Variants in EYS observed in about 807,000 individuals in gnomAD.
EYS encodes protein eyes shut homolog.
A neutral mutation model predicts 282.1 loss-of-function variants in EYS; 250 were observed. That is an observed-to-expected ratio of 0.89 (90% CI 0.80 to 0.98). The LOEUF (loss-of-function observed/expected upper bound fraction) is 0.98, where lower values mean the gene tolerates loss of function less well. EYS is among the 50% of genes least tolerant of loss of function. The pLI is 0.00. For missense variants in EYS, 4,016 were observed against 3,709.0 expected (o/e 1.08, Z -2.15); for synonymous variants, 1,355 against 1,282.9 (o/e 1.06, Z -1.20).
intron 29 of EYS, among the ~76,000 whole-genome samples, chr6:64,310,432 A>G (rs572803309): frequency 3.9e-5 from 6 of 152,336 alleles, no homozygotes; most frequent in Admixed American, 3.3e-4. Flanking sequence ...TATTGCAGGG[A>G]CATGGATGGA....
At chr6:64,498,151 C>A (rs944855971) in intron 26 of EYS, among the ~76,000 whole-genome samples, 1 of 152,120 alleles carries the variant, frequency 6.6e-6, no homozygotes, top group African/African-American at 2.4e-5. Context: ...ATATAAATAG[C>A]TATTGTTAGT....
At chr6:64,945,683 TG>T in intron 15 of EYS, 109 bp downstream of exon 15, 1 of 1,010,934 alleles carries the variant, frequency 9.9e-7, no homozygotes, top group Non-Finnish European at 1.4e-6. Context: ...CATTGCTGGA[TG>T]GTTATTTTAA....
intron 12 of EYS, among the ~76,000 whole-genome samples, chr6:65,201,813 T>TTG (rs145110491): frequency 4.1e-4 from 61 of 150,610 alleles, no homozygotes; most frequent in Admixed American, 1.1e-3. Flanking sequence ...AAAAATGATT[T>TTG]TGTGTGTGTG....
chr6:64,342,462 A>G (rs1222731637), intron 29 of EYS, among the ~76,000 whole-genome samples: 1 of 152,006 alleles, frequency 6.6e-6, no homozygotes, highest in Non-Finnish European at 1.5e-5. Context: ...ATCCAGACAA[A>G]CTAAGCTTCA....
intron 8 of EYS, among the ~76,000 whole-genome samples, chr6:65,354,904 T>A (rs1401039215): frequency 1.3e-5 from 2 of 151,940 alleles, no homozygotes; most frequent in African/African-American, 4.8e-5. Flanking sequence ...TACCAAAAAA[T>A]ACAATTTTAT....
chr6:64,478,092 T>C (rs2150497363), intron 26 of EYS, among the ~76,000 whole-genome samples: 1 of 152,184 alleles, frequency 6.6e-6, no homozygotes, highest in South Asian at 2.1e-4. Context: ...CACCATTGTG[T>C]CCTTAATATA....
At chr6:64,596,824 A>C (rs1366881429) in intron 24 of EYS, among the ~76,000 whole-genome samples, 1 of 150,356 alleles carries the variant, frequency 6.7e-6, no homozygotes, top group Non-Finnish European at 1.5e-5. Flanking sequence ...TATGATCTCA[A>C]AAGCACAAGA....
At chr6:64,523,786 TTC>T (rs1246569441) in intron 26 of EYS, among the ~76,000 whole-genome samples, 1 of 151,708 alleles carries the variant, frequency 6.6e-6, no homozygotes, top group Non-Finnish European at 1.5e-5. Flanking sequence ...GGTGGTAAGA[TTC>T]TTCTACTTGA....
chr6:64,914,250 C>T (rs1768095116), intron 15 of EYS, among the ~76,000 whole-genome samples: 2 of 152,214 alleles, frequency 1.3e-5, no homozygotes, highest in Admixed American at 6.5e-5. Context: ...CAATCACAAA[C>T]TGTAGGTGTG....
Position 64,406,826 on chromosome 6 carries a change from A to T in EYS, c.5928-17986T>A, listed in dbSNP as rs1773727772. On this transcript the variant is annotated intron_variant, in intron 28 of 42. Coordinates refer to ENST00000503581, the MANE Select transcript of EYS (RefSeq NM_001142800.2). ...ACAACAGATGTTGGAGAGGATGTGGAGAAATAGGAATGCTTTTACACTGTT... is the reference window on the plus strand; with the variant it reads ...ACAACAGATGTTGGAGAGGATGTGGTGAAATAGGAATGCTTTTACACTGTT... 2.6e-5 allele frequency among the ~76,000 whole-genome samples: 4 copies of T among 152,214 alleles called. No individual in the cohort carries two copies. In the South Asian group the frequency reaches 8.3e-4, roughly 32 times the overall value.
chr6:64,274,491 T>TTTTTTTGTTTTG (rs1768047963), intron 30 of EYS, among the ~76,000 whole-genome samples: 2 of 149,262 alleles, frequency 1.3e-5, no homozygotes, highest in African/African-American at 5.0e-5. Context: ...GTTTTTTTTT[T>TTTTTTTGTTTTG]TTTTTTTTTT....
At chr6:64,897,664 A>G (rs1767518229) in intron 18 of EYS, among the ~76,000 whole-genome samples, 1 of 152,198 alleles carries the variant, frequency 6.6e-6, no homozygotes, top group African/African-American at 2.4e-5. Flanking sequence ...CTCTGAGCGA[A>G]AAAAGCATGT....
At chr6:64,403,005 AATTAT>A (rs1230145269) in intron 28 of EYS, among the ~76,000 whole-genome samples, 1 of 152,300 alleles carries the variant, frequency 6.6e-6, no homozygotes, top group African/African-American at 2.4e-5. Context: ...TTGTGATTCT[AATTAT>A]ATTATATTTC....
At chr6:63,726,085 A>G (rs1561996561) in intron 42 of EYS, among the ~76,000 whole-genome samples, 1 of 152,188 alleles carries the variant, frequency 6.6e-6, no homozygotes, top group Non-Finnish European at 1.5e-5. Context: ...TAAGCATTTC[A>G]GAACACAAAT....
chr6:65,606,028 T>C (rs6930884), intron 2 of EYS, among the ~76,000 whole-genome samples: 53,858 of 151,330 alleles, frequency 0.36, 12,005 homozygotes, highest in Non-Finnish European at 0.49. Flanking sequence ...TCAGATATAA[T>C]GAATAATTAA....
chr6:65,187,168 A>T (rs76472634), intron 12 of EYS, among the ~76,000 whole-genome samples: 6,385 of 151,824 alleles, frequency 0.042, 189 homozygotes, highest in Middle Eastern at 0.065. Context: ...CACACACAAC[A>T]TTTATTCAAT....
intron 12 of EYS, among the ~76,000 whole-genome samples, chr6:65,295,034 C>A (rs1768623753): frequency 6.6e-6 from 1 of 151,810 alleles, no homozygotes; most frequent in African/African-American, 2.4e-5. Flanking sequence ...AAACCTTCAA[C>A]ATATTACTTT....
chr6:63,815,527 C>A (rs1771156234), intron 36 of EYS, among the ~76,000 whole-genome samples: 1 of 152,168 alleles, frequency 6.6e-6, no homozygotes, highest in East Asian at 1.9e-4. Flanking sequence ...ACTTTCCTCC[C>A]AAGTCCTGGC....
intron 12 of EYS, among the ~76,000 whole-genome samples, chr6:65,143,316 T>C (rs1409832004): frequency 6.6e-6 from 1 of 151,918 alleles, no homozygotes; most frequent in Non-Finnish European, 1.5e-5. Context: ...TGTAAAATTC[T>C]ATACCAAACA....
Sources: allele counts gnomAD v4.1 joint callset (sites outside exome capture counted in the v4.1 genomes callset), GRCh38; gene constraint gnomAD v4.1.1; transcripts MANE v1.5; gene names NCBI Gene and HGNC (gene_info 2026-07-23, HGNC 2026-07-21).